The following OPCML variants were observed in gnomAD, a reference collection of about 807,000 sequenced individuals.
OPCML encodes the protein opioid binding protein/cell adhesion molecule like, also known as opioid-binding protein/cell adhesion molecule.
A neutral mutation model predicts 37.8 loss-of-function variants in OPCML; 13 were observed. The ratio of observed to expected loss-of-function variants is 0.34; its 90% CI spans 0.22 to 0.55. The LOEUF (loss-of-function observed/expected upper bound fraction) is 0.55. Among genes scored for constraint, OPCML ranks in the 20% least tolerant of loss-of-function variants. The pLI, the probability that OPCML is intolerant of heterozygous loss-of-function variation, is 0.91. For missense variants in OPCML, 341 were observed against 435.6 expected (o/e 0.78, Z 1.93); for synonymous variants, 176 against 168.8 (o/e 1.04, Z -0.33).
chr11:133,031,132 C>T lies in OPCML; in HGVS notation c.62-88122G>A, dbSNP rs140937910. ...CACTAAGTCTGGCATTTAGTGTGTG[C>T]GCAAAAAGTACCTCTTCAAGAGATG... On this transcript the variant is annotated intron_variant, in intron 1 of 7. Coordinates refer to ENST00000524381, the MANE Select transcript of OPCML (RefSeq NM_001012393.5). Among the ~76,000 whole-genome samples, 279 of 152,148 alleles carry T rather than the reference C, an allele frequency of 1.8e-3. 1 individual carries two copies. The highest frequency in any genetic ancestry group is 5.5e-3 in the African/African-American group (228 of 41,500).
intron 1 of OPCML, among the ~76,000 whole-genome samples, chr11:132,961,542 G>A (rs187599353): frequency 1.3e-5 from 2 of 152,296 alleles, no homozygotes; most frequent in Admixed American, 6.5e-5. Flanking sequence ...GCACACTGAT[G>A]TGAGATGTAA....
chr11:132,791,297 G>T (rs2136179313), intron 2 of OPCML, among the ~76,000 whole-genome samples: 1 of 152,310 alleles, frequency 6.6e-6, no homozygotes, highest in South Asian at 2.1e-4. Flanking sequence ...TGATCAGAGA[G>T]ATCAAAATAG....
intron 2 of OPCML, among the ~76,000 whole-genome samples, chr11:132,801,559 A>C (rs1459562766): frequency 1.3e-5 from 2 of 152,238 alleles, no homozygotes. Flanking sequence ...CTATAATTCT[A>C]AGAAACTTTT....
intron 1 of OPCML, among the ~76,000 whole-genome samples, chr11:133,285,408 C>A (rs141957503): frequency 6.6e-6 from 1 of 152,150 alleles, no homozygotes. Context: ...GAATGGGAGC[C>A]GGACTGGAGG....
intron 3 of OPCML, among the ~76,000 whole-genome samples, chr11:132,554,771 G>A (rs2096390401): frequency 6.9e-6 from 1 of 144,280 alleles, no homozygotes; most frequent in Non-Finnish European, 1.5e-5. Context: ...CTTTCCATGT[G>A]TTTATGTTAT....
intron 1 of OPCML, among the ~76,000 whole-genome samples, chr11:133,333,809 C>T (rs191509145): frequency 1.3e-5 from 2 of 152,036 alleles, no homozygotes; most frequent in African/African-American, 4.8e-5. Flanking sequence ...AAACAAAAAA[C>T]CCCATTGAAA....
Position 132,476,070 on chromosome 11 carries a change from G to A in OPCML, c.506-38711C>T, listed in dbSNP as rs2096154380. On this transcript the variant is annotated intron_variant, in intron 4 of 7. Transcript: ENST00000524381. Reference sequence around the variant, plus strand: ...AAGTACTTGACGCTATCAGCACTATGTAAGATACATATACACACTCTCATG... The same window carrying A: ...AAGTACTTGACGCTATCAGCACTATATAAGATACATATACACACTCTCATG... 2.6e-5 allele frequency among the ~76,000 whole-genome samples: 4 copies of A among 152,138 alleles called. No individual in the cohort carries two copies. In the South Asian group the frequency reaches 6.2e-4, roughly 24 times the overall value.
chr11:132,994,011 C>CG (rs1163710302), intron 1 of OPCML, among the ~76,000 whole-genome samples: 1 of 152,240 alleles, frequency 6.6e-6, no homozygotes, highest in Non-Finnish European at 1.5e-5. Flanking sequence ...CGCAGGGAGA[C>CG]GTCTGGATGT....
At chr11:133,183,011 C>T (rs1218832149) in intron 1 of OPCML, among the ~76,000 whole-genome samples, 3 of 151,836 alleles carry the variant, frequency 2.0e-5, no homozygotes, top group Non-Finnish European at 4.4e-5. Context: ...TTGTTAGCAC[C>T]ACCTCATGAG....
intron 1 of OPCML, among the ~76,000 whole-genome samples, chr11:133,085,860 G>A (rs1195758190): frequency 6.6e-6 from 1 of 152,204 alleles, no homozygotes. Flanking sequence ...AGGCAATCTA[G>A]GAGATCATGC....
chr11:133,056,541 A>G (rs1434213544), intron 1 of OPCML, among the ~76,000 whole-genome samples: 1 of 152,328 alleles, frequency 6.6e-6, no homozygotes, highest in East Asian at 1.9e-4. Context: ...GAATTCCCCA[A>G]AATTAAAAGT....
At chr11:132,707,941 A>G (rs1944102768) in intron 2 of OPCML, among the ~76,000 whole-genome samples, 2 of 152,246 alleles carry the variant, frequency 1.3e-5, no homozygotes, top group African/African-American at 2.4e-5. Flanking sequence ...AAATGGAAAA[A>G]GAGTGTGTCA....
chr11:133,510,891 A>G (rs1244676983), intron 1 of OPCML, among the ~76,000 whole-genome samples: 1 of 147,022 alleles, frequency 6.8e-6, no homozygotes, highest in African/African-American at 2.7e-5. Context: ...CCACATACAC[A>G]CACACACACA....
intron 4 of OPCML, among the ~76,000 whole-genome samples, chr11:132,512,398 G>A (rs1379165454): frequency 6.6e-6 from 1 of 151,978 alleles, no homozygotes; most frequent in African/African-American, 2.4e-5. Flanking sequence ...AAAAAGGCCT[G>A]TACATACGTG....
rs75949194 is a variant in OPCML, at chr11:132,439,763, T to C, written c.506-2404A>G. 5.1e-3 allele frequency among the ~76,000 whole-genome samples: 773 copies of C among 151,968 alleles called. 3 individuals are homozygous for C. The highest frequency in any genetic ancestry group is 0.018 in the African/African-American group (727 of 41,460). ...TGAGAAGCCTGGATTTCTACTACGA[T>C]GACTCCATTATTTTTTCAAAATGTA... On this transcript the variant is annotated intron_variant, in intron 4 of 7. Coordinates refer to ENST00000524381, the MANE Select transcript of OPCML (RefSeq NM_001012393.5).
chr11:132,622,384 A>G (rs1266919512), intron 3 of OPCML, among the ~76,000 whole-genome samples: 3 of 152,186 alleles, frequency 2.0e-5, no homozygotes, highest in African/African-American at 4.8e-5. Context: ...AAACCTGTAT[A>G]AAGGCCACTG....
intron 1 of OPCML, among the ~76,000 whole-genome samples, chr11:132,975,279 T>C (rs1255519755): frequency 6.6e-6 from 1 of 151,240 alleles, no homozygotes; most frequent in Non-Finnish European, 1.5e-5. Flanking sequence ...GAATAACAAA[T>C]GATGGAAGTT....
At chr11:133,287,473 C>T (rs1343474950) in intron 1 of OPCML, among the ~76,000 whole-genome samples, 1 of 147,646 alleles carries the variant, frequency 6.8e-6, no homozygotes, top group Non-Finnish European at 1.5e-5. Context: ...CCCTGAGGCT[C>T]ATGCCCACCA....
intron 2 of OPCML, among the ~76,000 whole-genome samples, chr11:132,684,917 C>A (rs928198165): frequency 6.6e-6 from 1 of 152,308 alleles, no homozygotes; most frequent in East Asian, 1.9e-4. Context: ...AATATTGGTA[C>A]AGCTATTAGA....
Sources: gnomAD v4.1 joint callset for allele counts (sites outside exome capture counted in the v4.1 genomes callset) on GRCh38, gnomAD v4.1.1 for gene constraint, MANE v1.5 for transcripts, NCBI Gene and HGNC (gene_info 2026-07-23, HGNC 2026-07-21) for gene names.